The following DAP variants were observed in gnomAD, a reference collection of about 807,000 sequenced individuals.
DAP encodes the protein death-associated protein 1.
Under a neutral mutation model 13.8 loss-of-function variants are expected in DAP, and 8 were observed. The observed-to-expected ratio is 0.58, with a 90% confidence interval of 0.34 to 1.05. The LOEUF is 1.05. DAP is among the 50% of genes least tolerant of loss of function. DAP has a pLI of 0.03. For synonymous variants in DAP, 47 were observed against 47.5 expected, an observed-to-expected ratio of 0.99 and a Z score of 0.04; for missense variants, 106 against 133.2, an observed-to-expected ratio of 0.80 and a Z score of 1.01.
chr5:10,726,272 C>T (rs1332031194), intron 2 of DAP, among the ~76,000 whole-genome samples: 1 of 152,210 alleles, frequency 6.6e-6, no homozygotes, highest in African/African-American at 2.4e-5. Flanking sequence ...TGTTCATGAA[C>T]CATTTTCTCC....
intron 2 of DAP, among the ~76,000 whole-genome samples, chr5:10,687,491 G>C (rs1463008828): frequency 6.6e-6 from 1 of 152,124 alleles, no homozygotes. Flanking sequence ...GGGTAACTTT[G>C]AGGGGGTTCA....
At chr5:10,754,001 A>G (rs537727736) in intron 1 of DAP, among the ~76,000 whole-genome samples, 22 of 152,338 alleles carry the variant, frequency 1.4e-4, no homozygotes, top group African/African-American at 5.3e-4. Flanking sequence ...GTGGCAGGTA[A>G]GCAAAGGGGC....
intron 2 of DAP, among the ~76,000 whole-genome samples, chr5:10,708,021 GCAATA>G (rs1738741477): frequency 6.6e-6 from 1 of 152,104 alleles, no homozygotes; most frequent in African/African-American, 2.4e-5. Context: ...AATTTCACGG[GCAATA>G]CAAACTTGAG....
intron 1 of DAP, among the ~76,000 whole-genome samples, chr5:10,752,035 A>G (rs767851851): frequency 1.3e-5 from 2 of 152,256 alleles, no homozygotes; most frequent in Non-Finnish European, 2.9e-5. Context: ...ATGTGTTCAT[A>G]AAGTAAAAAT....
rs375435901 is a variant in DAP, at chr5:10,694,022, G to C, written c.153-10451C>G. Among the ~76,000 whole-genome samples, 16 of 152,268 alleles carry C rather than the reference G, an allele frequency of 1.1e-4. No individual in the cohort carries two copies. The South Asian group carries it at 3.3e-3, about 32-fold the overall frequency. ...AGGCTGGAACCTTGCTTGGGGTCCTGGGGGTGGAGCCCGGGAGGAAGCGCA... is the reference window on the plus strand; with the variant it reads ...AGGCTGGAACCTTGCTTGGGGTCCTCGGGGTGGAGCCCGGGAGGAAGCGCA... On this transcript the variant is annotated intron_variant, in intron 2 of 3. Transcript: ENST00000230895.
At chr5:10,758,431 ATGCTGCTGGCATTTGAGGG>A (rs1740251739) in intron 1 of DAP, among the ~76,000 whole-genome samples, 1 of 44,950 alleles carries the variant, frequency 2.2e-5, no homozygotes, top group Non-Finnish European at 5.3e-5. Flanking sequence ...CATTTGAGGG[ATGCTGCTGGCATTTGAGGG>A]GTGCTGCTAT....
At chr5:10,741,903 T>C (rs771859190) in intron 2 of DAP, among the ~76,000 whole-genome samples, 7 of 152,238 alleles carry the variant, frequency 4.6e-5, no homozygotes, top group Non-Finnish European at 2.9e-5. Context: ...GTGCTTCTCA[T>C]GGCTTCCACG....
At chr5:10,704,004 T>C (rs1005369027) in intron 2 of DAP, among the ~76,000 whole-genome samples, 7 of 152,204 alleles carry the variant, frequency 4.6e-5, no homozygotes, top group African/African-American at 1.7e-4. Flanking sequence ...GGCAACCTCT[T>C]GCCTGAACCT....
chr5:10,734,972 T>TG (rs997070142), intron 2 of DAP, among the ~76,000 whole-genome samples: 4 of 152,180 alleles, frequency 2.6e-5, no homozygotes, highest in African/African-American at 7.2e-5. Flanking sequence ...AGGGAAGCCG[T>TG]GGGGCCGCCA....
rs910241620 is a variant in DAP, at chr5:10,707,826, T to C, written c.153-24255A>G. On this transcript the variant is annotated intron_variant, in intron 2 of 3. Transcript: ENST00000230895. This position sits in a 1 kb window ranked among gnomAD's most constrained non-coding sequence, Gnocchi z 4.0. The stretch of plus-strand genomic sequence containing the variant: ...TGATGGATGGGTGGCACTGGATGAG[T>C]ACTGGCTCTGCTCATCATCCAGTTC... Among the ~76,000 whole-genome samples, 1 of 152,174 alleles carries C rather than the reference T, an allele frequency of 6.6e-6. No homozygotes were observed. The highest frequency in any genetic ancestry group is 1.9e-4 in the East Asian group (1 of 5,192).
intron 2 of DAP, among the ~76,000 whole-genome samples, chr5:10,703,465 G>A (rs1037609086): frequency 2.0e-5 from 3 of 152,190 alleles, no homozygotes; most frequent in Non-Finnish European, 4.4e-5. Context: ...GGTGCTTTAA[G>A]CTTCGGAACA....
chr5:10,759,331 C>T (rs545747975), intron 1 of DAP, among the ~76,000 whole-genome samples: 2 of 152,320 alleles, frequency 1.3e-5, no homozygotes, highest in South Asian at 2.1e-4. Flanking sequence ...TGCTGCAGTT[C>T]CTGGAGGCAG....
intron 2 of DAP, among the ~76,000 whole-genome samples, chr5:10,684,694 T>A (rs1223237409): frequency 2.6e-5 from 4 of 152,224 alleles, no homozygotes; most frequent in Non-Finnish European, 5.9e-5. Flanking sequence ...TCCATGTAAT[T>A]ATATACTCTT....
chr5:10,729,883 C>T (rs1170461998), intron 2 of DAP, among the ~76,000 whole-genome samples: 1 of 152,374 alleles, frequency 6.6e-6, no homozygotes, highest in East Asian at 1.9e-4. Context: ...CCAGCATGCA[C>T]TTGTGGGCCC....
intron 2 of DAP, among the ~76,000 whole-genome samples, chr5:10,690,108 C>T (rs1738269684): frequency 1.1e-5 from 1 of 88,910 alleles, no homozygotes; most frequent in Admixed American, 1.0e-4. Flanking sequence ...TGCTTTAAGA[C>T]TGCACTTTTT....
intron 2 of DAP, among the ~76,000 whole-genome samples, chr5:10,710,193 G>GGCTA (rs748998227): frequency 6.6e-6 from 1 of 152,248 alleles, no homozygotes; most frequent in Non-Finnish European, 1.5e-5. Flanking sequence ...AGGGAGAGGT[G>GGCTA]GCTAGGGCCC....
intron 2 of DAP, among the ~76,000 whole-genome samples, chr5:10,712,405 G>A (rs576159467): frequency 6.6e-6 from 1 of 152,218 alleles, no homozygotes; most frequent in South Asian, 2.1e-4. Flanking sequence ...GGGGTCATAA[G>A]GTAAGGCTTT....
chr5:10,731,739 G>C (rs10057712), intron 2 of DAP, among the ~76,000 whole-genome samples: 2 of 152,190 alleles, frequency 1.3e-5, no homozygotes. Flanking sequence ...GTTTGCTAGG[G>C]GGCTTCTGGC....
intron 2 of DAP, among the ~76,000 whole-genome samples, chr5:10,725,609 T>A (rs753023101): frequency 8.5e-5 from 13 of 152,220 alleles, no homozygotes; most frequent in Admixed American, 2.6e-4. Context: ...TTAAATGAGC[T>A]TGATGGAAAG....
Sources: allele counts gnomAD v4.1 joint callset (sites outside exome capture counted in the v4.1 genomes callset), GRCh38; gene constraint gnomAD v4.1.1; non-coding constraint Gnocchi (gnomAD v3.1); transcripts MANE v1.5; gene names NCBI Gene and HGNC (gene_info 2026-07-23, HGNC 2026-07-21).